ETS1: variants seen among roughly 807,000 people sequenced by gnomAD.
ETS1 encodes protein C-ets-1.
Under a neutral mutation model 58.6 loss-of-function variants are expected in ETS1, and 15 were observed. The observed-to-expected ratio is 0.26, with a 90% CI of 0.17 to 0.39. ETS1 has a LOEUF of 0.39. Ranked by LOEUF, ETS1 falls within the 10% of genes least tolerant of loss-of-function variation. The pLI, the probability that ETS1 is intolerant of heterozygous loss-of-function variation, is 1.00. For missense variants in ETS1, 417 were observed against 610.5 expected, an observed-to-expected ratio of 0.68 and a Z score of 3.34; for synonymous variants, 214 against 218.2, an observed-to-expected ratio of 0.98 and a Z score of 0.17.
chr11:128,485,700 G>C (rs1862610611), intron 6 of ETS1, among the ~76,000 whole-genome samples: 1 of 152,138 alleles, frequency 6.6e-6, no homozygotes, highest in African/African-American at 2.4e-5. Flanking sequence ...ATCTCCACTA[G>C]TAAAAAGGAA....
At chr11:128,484,149 C>T (rs866269686) in intron 7 of ETS1, among the ~76,000 whole-genome samples, 1 of 152,182 alleles carries the variant, frequency 6.6e-6, no homozygotes, top group African/African-American at 2.4e-5. Context: ...TCTTCCCTGA[C>T]AGTGAATATT....
intron 1 of ETS1, among the ~76,000 whole-genome samples, chr11:128,579,371 G>A (rs1436216578): frequency 6.6e-6 from 1 of 152,032 alleles, no homozygotes; most frequent in Non-Finnish European, 1.5e-5. Context: ...CAAAGAATTT[G>A]GCTTCCAGGG....
At chr11:128,527,221 G>A (rs1863817012) in intron 3 of ETS1, 1 of 294,778 alleles carries the variant, frequency 3.4e-6, no homozygotes, top group Admixed American at 4.9e-5. Context: ...GGGCTGTCAG[G>A]AGAGAAAGGG....
chr11:128,584,904 G>C (rs986178380), intron 1 of ETS1, among the ~76,000 whole-genome samples: 4 of 134,118 alleles, frequency 3.0e-5, no homozygotes, highest in Non-Finnish European at 4.8e-5. Flanking sequence ...AGAAAGGAGG[G>C]GAGAGAAAAG....
At position 128,460,058 on chromosome 11, in the gene ETS1, T is replaced by C. The variant is rs1456262748; in HGVS notation, c.*2303A>G. On this transcript the variant is annotated 3_prime_UTR_variant, in exon 10 of 10. Transcript: ENST00000392668. ...CTAAGGTATTATTTCAGCTGCAGTTTTGCATGTCTGCAAACACACACACAC... is the reference window on the plus strand; with the variant it reads ...CTAAGGTATTATTTCAGCTGCAGTTCTGCATGTCTGCAAACACACACACAC... The C allele has an allele frequency of 6.8e-6, 1 of 147,954 alleles. No homozygotes were observed. Among genetic ancestry groups the C allele is most frequent in the East Asian group, 2.0e-4 (1 of 5,092 alleles). 9.2% of individuals were successfully genotyped at this position (147,954 alleles called of 1,614,324 possible). A position where few individuals can be genotyped will look rare whatever the true frequency, so the allele number is the denominator to read the frequency against.
chr11:128,473,534 G>C (rs1031619365), intron 8 of ETS1, among the ~76,000 whole-genome samples: 7 of 151,702 alleles, frequency 4.6e-5, no homozygotes, highest in Admixed American at 3.9e-4. Context: ...GGCAGGGCCT[G>C]ACTCCATGCT....
chr11:128,558,426 C>A (rs1864349327), intron 2 of ETS1, among the ~76,000 whole-genome samples: 1 of 152,182 alleles, frequency 6.6e-6, no homozygotes, highest in Non-Finnish European at 1.5e-5. Flanking sequence ...GGGTGAATCA[C>A]CTGAGGTCAG....
chr11:128,572,746 T>A (rs1864662545), intron 2 of ETS1, among the ~76,000 whole-genome samples: 1 of 152,224 alleles, frequency 6.6e-6, no homozygotes, highest in African/African-American at 2.4e-5. Context: ...TACCTCAATA[T>A]GTAAAAAATC....
intron 3 of ETS1, among the ~76,000 whole-genome samples, chr11:128,510,952 T>C (rs1447681840): frequency 6.6e-6 from 1 of 152,230 alleles, no homozygotes; most frequent in Non-Finnish European, 1.5e-5. Flanking sequence ...TTTAGAGAGA[T>C]AATCTGACAT....
chr11:128,482,294 A>G (rs563411464), intron 7 of ETS1, among the ~76,000 whole-genome samples: 1 of 152,314 alleles, frequency 6.6e-6, no homozygotes, highest in East Asian at 1.9e-4. Flanking sequence ...ATAAAAAGGT[A>G]TTTGTTCATA....
At chr11:128,471,912 A>C (rs1055949845) in intron 8 of ETS1, among the ~76,000 whole-genome samples, 2 of 152,240 alleles carry the variant, frequency 1.3e-5, no homozygotes, top group Non-Finnish European at 2.9e-5. Context: ...CCTGCATGTC[A>C]ACAATGAGAG....
In ETS1 at chr11:128,508,253, GAT is replaced by G. The variant is rs535556834; in HGVS notation, c.215-17679_215-17678del. Among the ~76,000 whole-genome samples, 332 of 152,306 alleles carry G rather than the reference GAT, an allele frequency of 2.2e-3. 2 individuals carry two copies. Among genetic ancestry groups the G allele is most frequent in the Non-Finnish European group, 4.0e-3 (274 of 68,018 alleles). ...TTGTACAGAATTTAGTGACCTACAA[GAT>G]AATGGTTTATTGAGCTCCTGTGGCA... On this transcript the variant is annotated intron_variant, in intron 3 of 9. Coordinates refer to ENST00000392668, the MANE Select transcript of ETS1 (RefSeq NM_001143820.2).
intron 3 of ETS1, among the ~76,000 whole-genome samples, chr11:128,535,725 T>C (rs1863963792): frequency 6.6e-6 from 1 of 152,152 alleles, no homozygotes; most frequent in African/African-American, 2.4e-5. Context: ...CATGATGACA[T>C]TTAGGGCCAG....
chr11:128,556,236 A>G (rs919061855), intron 3 of ETS1, 55 bp downstream of exon 3: 1 of 1,487,488 alleles, frequency 6.7e-7, no homozygotes, highest in Non-Finnish European at 9.1e-7. Context: ...CCCTCATCAC[A>G]TTTCCATTGT....
chr11:128,558,649 C>CAAAAAA (rs201114905), intron 2 of ETS1, among the ~76,000 whole-genome samples: 58 of 103,380 alleles, frequency 5.6e-4, no homozygotes, highest in Non-Finnish European at 8.5e-4. Context: ...ATATCCATCC[C>CAAAAAA]AAAAAAAAAA....
rs1862292553 is a variant in ETS1, at chr11:128,475,327, C to T, written c.1123+4864G>A. 2.0e-5 allele frequency among the ~76,000 whole-genome samples: 3 copies of T among 152,320 alleles called. No individual in the cohort carries two copies. The South Asian group carries it at 6.2e-4, about 32-fold the overall frequency. ...GAACTGAAGGGCTTTGAAGCACTTCCTTTTGCAGTAAAGTTGTTTATTTTC... is the reference window on the plus strand; with the variant it reads ...GAACTGAAGGGCTTTGAAGCACTTCTTTTTGCAGTAAAGTTGTTTATTTTC... On this transcript the variant is annotated intron_variant, in intron 8 of 9. Transcript: ENST00000392668.
chr11:128,500,687 A>G (rs769597682), intron 3 of ETS1, among the ~76,000 whole-genome samples: 2 of 152,222 alleles, frequency 1.3e-5, no homozygotes, highest in African/African-American at 4.8e-5. Flanking sequence ...GGAAACCACA[A>G]TGAAAAATAA....
At chr11:128,515,351 G>A (rs1863496048) in intron 3 of ETS1, among the ~76,000 whole-genome samples, 1 of 152,010 alleles carries the variant, frequency 6.6e-6, no homozygotes, top group African/African-American at 2.4e-5. Flanking sequence ...GCTTATCACA[G>A]CTACCCAAAG....
intron 2 of ETS1, 41 bp from the exon 3 acceptor site, chr11:128,556,476 A>C: frequency 2.8e-6 from 4 of 1,418,634 alleles, no homozygotes; most frequent in South Asian, 1.3e-5. Context: ...TAGGAGGAAA[A>C]TCTCTGTTGT....
Sources: gnomAD v4.1 joint callset for allele counts (sites outside exome capture counted in the v4.1 genomes callset) on GRCh38, gnomAD v4.1.1 for gene constraint, MANE v1.5 for transcripts, NCBI Gene and HGNC (gene_info 2026-07-23, HGNC 2026-07-21) for gene names.